The following KIRREL3 variants were observed in gnomAD, a reference collection of about 807,000 sequenced individuals.
KIRREL3 encodes the protein kirre like nephrin family adhesion molecule 3.
KIRREL3 carries 36 observed loss-of-function variants against 89.7 expected under a neutral mutation model. That is an observed-to-expected ratio of 0.40 (90% CI 0.31 to 0.53). The LOEUF is 0.53. Ranked by LOEUF, KIRREL3 falls within the 20% of genes least tolerant of loss-of-function variation. The pLI is 0.49. For missense variants in KIRREL3, 864 were observed against 1,056.6 expected (o/e 0.82, Z 2.53); for synonymous variants, 445 against 441.4 (o/e 1.01, Z -0.10).
At chr11:126,713,297 T>G (rs577078761) in intron 1 of KIRREL3, among the ~76,000 whole-genome samples, 1 of 152,278 alleles carries the variant, frequency 6.6e-6, no homozygotes, top group East Asian at 1.9e-4. Flanking sequence ...CTCATGCATT[T>G]AGGAAGTAGC....
At chr11:126,546,668 C>T (rs1364918163) in intron 2 of KIRREL3, among the ~76,000 whole-genome samples, 1 of 152,208 alleles carries the variant, frequency 6.6e-6, no homozygotes. Flanking sequence ...TTATTTATCT[C>T]ACTAGCCCCT....
Position 126,808,117 on chromosome 11 carries a change from C to A in KIRREL3, c.55+192338G>T, listed in dbSNP as rs1358393716. On this transcript the variant is annotated intron_variant, in intron 1 of 16. Coordinates refer to ENST00000525144, the MANE Select transcript of KIRREL3 (RefSeq NM_032531.4). This position sits in a 1 kb window ranked among gnomAD's most constrained non-coding sequence, Gnocchi z 4.1. ...GATGCTCTCCAGGCCAGCTGCAGGA[C>A]TGCAGATACTGACCTGGGGTTGAGG... Among the ~76,000 whole-genome samples, 1 of 152,174 alleles carries A rather than the reference C, an allele frequency of 6.6e-6. No individual in the cohort carries two copies. Among genetic ancestry groups the A allele is most frequent in the Non-Finnish European group, 1.5e-5 (1 of 68,042 alleles).
chr11:126,903,009 C>T lies in KIRREL3; in HGVS notation c.55+97446G>A, dbSNP rs7938092. ...TTTTTTTAAAAAAAAGGAAGCCCAG[C>T]GTCCTATGACCTTGTGAAAGAAGCA... On this transcript the variant is annotated intron_variant, in intron 1 of 16. Transcript: ENST00000525144. The surrounding 1 kb of genome is among the most constrained non-coding windows in gnomAD (Gnocchi z 4.5). Among the ~76,000 whole-genome samples the T allele has an allele frequency of 4.6e-5, 7 of 151,934 alleles. No homozygotes were observed. Among genetic ancestry groups the T allele is most frequent in the Admixed American group, 3.3e-4 (5 of 15,272 alleles).
intron 1 of KIRREL3, among the ~76,000 whole-genome samples, chr11:126,659,889 G>A (rs1176668912): frequency 6.6e-6 from 1 of 152,188 alleles, no homozygotes; most frequent in Non-Finnish European, 1.5e-5. Flanking sequence ...TGCCTTTAAA[G>A]GCAACTCGAA....
At chr11:126,662,897 A>T (rs1945472772) in intron 1 of KIRREL3, among the ~76,000 whole-genome samples, 1 of 147,330 alleles carries the variant, frequency 6.8e-6, no homozygotes, top group Non-Finnish European at 1.5e-5. Context: ...ACTTTTTCCA[A>T]AGTCCTTTCT....
chr11:126,741,807 C>A (rs1308091852), intron 1 of KIRREL3, among the ~76,000 whole-genome samples: 2 of 152,198 alleles, frequency 1.3e-5, no homozygotes, highest in African/African-American at 4.8e-5. Flanking sequence ...TCTAATGCAG[C>A]TAACATTTGG....
chr11:126,791,298 C>T lies in KIRREL3; in HGVS notation c.55+209157G>A, dbSNP rs181914391. Among the ~76,000 whole-genome samples the T allele has an allele frequency of 2.0e-3, 298 of 152,240 alleles. No individual in the cohort carries two copies. The highest frequency in any genetic ancestry group is 0.01 in the Middle Eastern group (3 of 294). ...ATGAGAAATAGTTGAGGTATTAAAT[C>T]GTAAAGGGAGGGCAGGTGTTATCAT... On this transcript the variant is annotated intron_variant, in intron 1 of 16. Transcript: ENST00000525144. This position sits in a 1 kb window ranked among gnomAD's most constrained non-coding sequence, Gnocchi z 4.8.
Position 126,558,911 on chromosome 11 carries a change from T to C in KIRREL3, c.133+3924A>G, listed in dbSNP as rs1294353585. Among the ~76,000 whole-genome samples the C allele has an allele frequency of 6.6e-6, 1 of 152,066 alleles. No homozygotes were observed. Among genetic ancestry groups the C allele is most frequent in the Non-Finnish European group, 1.5e-5 (1 of 68,006 alleles). On this transcript the variant is annotated intron_variant, in intron 2 of 16. Coordinates refer to ENST00000525144, the MANE Select transcript of KIRREL3 (RefSeq NM_032531.4). The surrounding 1 kb of genome is among the most constrained non-coding windows in gnomAD (Gnocchi z 4.0). ...GCATGTATACATATGCATGCAGGTG[T>C]GTGCATTGTGTGTGTATGTGTGTGT... is the stretch of plus-strand genomic sequence containing the variant.
chr11:126,835,440 G>C (rs965854364), intron 1 of KIRREL3, among the ~76,000 whole-genome samples: 1 of 152,182 alleles, frequency 6.6e-6, no homozygotes, highest in African/African-American at 2.4e-5. Context: ...CAGCCAGAAA[G>C]ATTGAAGCTC....
At chr11:126,597,276 C>T (rs942740510) in intron 1 of KIRREL3, among the ~76,000 whole-genome samples, 1 of 152,228 alleles carries the variant, frequency 6.6e-6, no homozygotes, top group Admixed American at 6.5e-5. Flanking sequence ...TCCGCAATGT[C>T]GGGACACCAA....
intron 6 of KIRREL3, among the ~76,000 whole-genome samples, chr11:126,457,298 C>T (rs544575908): frequency 2.6e-4 from 34 of 131,958 alleles, no homozygotes; most frequent in East Asian, 4.6e-4. Flanking sequence ...TGTGTGTATG[C>T]GTGTGTATGT....
intron 1 of KIRREL3, among the ~76,000 whole-genome samples, chr11:126,911,759 G>A (rs562578138): frequency 3.3e-5 from 5 of 152,054 alleles, no homozygotes; most frequent in African/African-American, 7.2e-5. Context: ...TGAGGTGGGC[G>A]GATGACGAGG....
Position 126,876,778 on chromosome 11 carries a change from G to T in KIRREL3, c.55+123677C>A, listed in dbSNP as rs1490795710. Among the ~76,000 whole-genome samples, 2 of 152,006 alleles carry T rather than the reference G, an allele frequency of 1.3e-5. No individual in the cohort carries two copies. The highest frequency in any genetic ancestry group is 4.8e-5 in the African/African-American group (2 of 41,388). On this transcript the variant is annotated intron_variant, in intron 1 of 16. Transcript: ENST00000525144. This position sits in a 1 kb window ranked among gnomAD's most constrained non-coding sequence, Gnocchi z 4.1. ...TGGTTTTGAACTCATGACCTGATCT[G>T]CCCGCCTCAGCCTCCCGAAGTGCTA...
rs1430841601 is a variant in KIRREL3 at position 126,954,108 on chromosome 11, C to A, written c.55+46347G>T. ...TCGGTCTGTGAGCGCCTCTAATACC[C>A]TATGTGGTTTCTTGAGATTTCCAAA... On this transcript the variant is annotated intron_variant, in intron 1 of 16. Transcript: ENST00000525144. The surrounding 1 kb of genome is among the most constrained non-coding windows in gnomAD (Gnocchi z 4.1). Among the ~76,000 whole-genome samples, 1 of 151,960 alleles carries A rather than the reference C, an allele frequency of 6.6e-6. No individual in the cohort carries two copies.
In KIRREL3 at chr11:126,989,607, T is replaced by C. The variant is rs1949965708; in HGVS notation, c.55+10848A>G. ...CCGCTATCTTAGTTCACGCTGCCTG[T>C]GGATCAACTCGGGATCTCAGACACA... On this transcript the variant is annotated intron_variant, in intron 1 of 16. Coordinates refer to ENST00000525144, the MANE Select transcript of KIRREL3 (RefSeq NM_032531.4). The surrounding 1 kb of genome is among the most constrained non-coding windows in gnomAD (Gnocchi z 6.2). 6.6e-6 allele frequency among the ~76,000 whole-genome samples: 1 copy of C among 152,196 alleles called. No homozygotes were observed.
chr11:126,637,870 T>C (rs1944326168), intron 1 of KIRREL3, among the ~76,000 whole-genome samples: 1 of 152,208 alleles, frequency 6.6e-6, no homozygotes, highest in African/African-American at 2.4e-5. Context: ...ACATGATAGC[T>C]GAGAAGACTA....
rs2134303687 is a variant in KIRREL3, at chr11:126,772,870, G to A, written c.56-209958C>T. On this transcript the variant is annotated intron_variant, in intron 1 of 16. Coordinates refer to ENST00000525144, the MANE Select transcript of KIRREL3 (RefSeq NM_032531.4). This position sits in a 1 kb window ranked among gnomAD's most constrained non-coding sequence, Gnocchi z 4.6. ...TACTGCATCTGGATCTTCATAATTT[G>A]GCCAGAAACCTGCTTGGCCAACAAT... Among the ~76,000 whole-genome samples the A allele has an allele frequency of 6.6e-6, 1 of 152,238 alleles. No individual in the cohort carries two copies. The highest frequency in any genetic ancestry group is 1.9e-4 in the East Asian group (1 of 5,166).
intron 1 of KIRREL3, among the ~76,000 whole-genome samples, chr11:126,916,203 A>G (rs1947030666): frequency 6.6e-6 from 1 of 152,224 alleles, no homozygotes; most frequent in African/African-American, 2.4e-5. Context: ...TTAAGATCTT[A>G]TGGCTGGTCA....
chr11:126,530,660 G>T lies in KIRREL3; in HGVS notation c.134-3973C>A, dbSNP rs576693572. 6.6e-6 allele frequency among the ~76,000 whole-genome samples: 1 copy of T among 152,298 alleles called. No homozygotes were observed. Among genetic ancestry groups the T allele is most frequent in the South Asian group, 2.1e-4 (1 of 4,824 alleles). ...ACCTGGGCGTCTCAGATGGAGCACAGAGTAGGTGCCTCACAGGCTCAGGTC... is the reference window on the plus strand; with the variant it reads ...ACCTGGGCGTCTCAGATGGAGCACATAGTAGGTGCCTCACAGGCTCAGGTC... On this transcript the variant is annotated intron_variant, in intron 2 of 16. Transcript: ENST00000525144. This position sits in a 1 kb window ranked among gnomAD's most constrained non-coding sequence, Gnocchi z 5.8.
Sources: allele counts gnomAD v4.1 joint callset (sites outside exome capture counted in the v4.1 genomes callset), GRCh38; gene constraint gnomAD v4.1.1; non-coding constraint Gnocchi (gnomAD v3.1); transcripts MANE v1.5; gene names NCBI Gene and HGNC (gene_info 2026-07-23, HGNC 2026-07-21).